Variants in OTOP1 observed in about 807,000 individuals in gnomAD.
The protein encoded by OTOP1 is otopetrin 1.
A neutral mutation model predicts 52.9 loss-of-function variants in OTOP1; 59 were observed. The observed-to-expected ratio is 1.12, with a 90% CI of 0.91 to 1.39. The LOEUF (loss-of-function observed/expected upper bound fraction) is 1.39. Ranked by LOEUF, OTOP1 falls within the 40% of genes most tolerant of loss-of-function variation. The pLI, the probability that OTOP1 is intolerant of heterozygous loss-of-function variation, is 0.00. For missense variants in OTOP1, 761 were observed against 800.9 expected (o/e 0.95, Z 0.60); for synonymous variants, 317 against 337.7 (o/e 0.94, Z 0.67).
At chr4:4,190,265 G>A (rs1716473689) in intron 5 of OTOP1, among the ~76,000 whole-genome samples, 1 of 152,166 alleles carries the variant, frequency 6.6e-6, no homozygotes, top group Admixed American at 6.5e-5. Context: ...CTGAGGTCAG[G>A]AGTTCAAGAC....
At chr4:4,222,735 G>C (rs1717329135) in intron 1 of OTOP1, among the ~76,000 whole-genome samples, 1 of 152,186 alleles carries the variant, frequency 6.6e-6, no homozygotes, top group African/African-American at 2.4e-5. Flanking sequence ...ATTGATCTAA[G>C]ATTGTCACGA....
At chr4:4,220,020 T>C (rs1458668565) in intron 1 of OTOP1, among the ~76,000 whole-genome samples, 84 of 115,620 alleles carry the variant, frequency 7.3e-4, no homozygotes, top group Admixed American at 2.1e-3. Context: ...TGTATATACA[T>C]GTATATACGT....
Position 4,205,984 on chromosome 4 carries a change from T to A in OTOP1, c.599+88A>T, listed in dbSNP as rs1577179687. On this transcript the variant is annotated intron_variant, in intron 3 of 5. Transcript: ENST00000296358. ...TGAGGGGAGAGTTGGTCTGTTTTTA[T>A]AACCAAAGCAAGATGGCAGTGATGA... The A allele has an allele frequency of 5.1e-6, 6 of 1,181,878 alleles. No homozygotes were observed. The East Asian group carries it at 1.4e-4, about 28-fold the overall frequency. 73.2% of individuals were successfully genotyped at this position (1,181,878 alleles called of 1,614,324 possible).
At chr4:4,203,702 A>G (rs1716838886) in intron 3 of OTOP1, among the ~76,000 whole-genome samples, 2 of 152,210 alleles carry the variant, frequency 1.3e-5, no homozygotes. Flanking sequence ...GGTACTTAGC[A>G]ATGTGCCTCA....
intron 1 of OTOP1, among the ~76,000 whole-genome samples, chr4:4,216,393 C>A (rs1360624250): frequency 6.6e-6 from 1 of 152,156 alleles, no homozygotes; most frequent in African/African-American, 2.4e-5. Context: ...CCTGGGCTAG[C>A]ATTGACCGCC....
intron 1 of OTOP1, among the ~76,000 whole-genome samples, chr4:4,219,930 T>C (rs1717248316): frequency 7.0e-6 from 1 of 142,770 alleles, no homozygotes; most frequent in African/African-American, 2.7e-5. Flanking sequence ...CGTATACATG[T>C]ATACATATAT....
At chr4:4,201,284 A>G (rs1019762978) in intron 4 of OTOP1, among the ~76,000 whole-genome samples, 5 of 152,038 alleles carry the variant, frequency 3.3e-5, no homozygotes, top group Non-Finnish European at 5.9e-5. Context: ...AAAATTAGCC[A>G]GGTGTGGTGG....
intron 1 of OTOP1, among the ~76,000 whole-genome samples, chr4:4,218,391 C>A (rs113105016): frequency 4.1e-3 from 531 of 130,352 alleles, no homozygotes; most frequent in Non-Finnish European, 4.3e-3. Context: ...GACTCCAACT[C>A]AAAAAAAAAA....
rs187404805 is a variant in OTOP1 at position 4,204,061 on chromosome 4, G to A, written c.600-1483C>T. 1.7e-3 allele frequency among the ~76,000 whole-genome samples: 253 copies of A among 152,282 alleles called. 1 individual carries two copies. Among genetic ancestry groups the A allele is most frequent in the Non-Finnish European group, 2.2e-3 (150 of 68,020 alleles). ...GAACCCTCGTCCATGATCTGCCCAC[G>A]GGGAAAATGGTGCAACCGCATCCTC... On this transcript the variant is annotated intron_variant, in intron 3 of 5. Coordinates refer to ENST00000296358, the MANE Select transcript of OTOP1 (RefSeq NM_177998.3).
chr4:4,196,843 T>C (rs929997985), intron 5 of OTOP1, among the ~76,000 whole-genome samples: 1 of 152,244 alleles, frequency 6.6e-6, no homozygotes, highest in Non-Finnish European at 1.5e-5. Context: ...GGCCTTATCC[T>C]AAGTGAATTA....
chr4:4,202,404 A>G (rs1716807388), intron 4 of OTOP1, 44 bp downstream of exon 4: 1 of 1,609,888 alleles, frequency 6.2e-7, no homozygotes, highest in South Asian at 1.1e-5. Context: ...TTTCCAAGAC[A>G]TTCCAACATG....
chr4:4,210,210 T>C (rs111399462), intron 2 of OTOP1, among the ~76,000 whole-genome samples: 1 of 152,188 alleles, frequency 6.6e-6, no homozygotes, highest in African/African-American at 2.4e-5. Flanking sequence ...AATGAATGAA[T>C]GAACGAACGC....
intron 1 of OTOP1, among the ~76,000 whole-genome samples, chr4:4,220,045 A>G (rs1463952531): frequency 2.0e-4 from 12 of 60,124 alleles, no homozygotes; most frequent in African/African-American, 6.4e-4. Context: ...ATGTATACAT[A>G]TATACATATA....
chr4:4,215,867 C>A (rs1717135878), intron 1 of OTOP1, among the ~76,000 whole-genome samples: 1 of 152,010 alleles, frequency 6.6e-6, no homozygotes, highest in Admixed American at 6.6e-5. Context: ...GATCTTGGCT[C>A]ACTGCAACTT....
chr4:4,197,330 T>C lies in OTOP1; in HGVS notation c.1504A>G (p.Asn502Asp). ...GKDMPPAANGNVCMRESHDKE... is the reference protein window; with the variant it reads ...GKDMPPAANGDVCMRESHDKE... ...TCATGGCTTTCTCTCATGCACACAT[T>C]TCCATTGGCTGCTGGTGGCATGTCC... is the stretch of plus-strand genomic sequence containing the variant. The change falls in exon 5 of 6, where the codon AAT (asparagine) becomes GAT (aspartate). Residue 502 changes from asparagine to aspartate, a missense_variant. By Grantham distance (23) the Asn-to-Asp change is conservative. Coordinates refer to ENST00000296358, the MANE Select transcript of OTOP1 (RefSeq NM_177998.3). The C allele has an allele frequency of 6.2e-7, 1 of 1,614,086 alleles. No individual in the cohort carries two copies. The highest frequency in any genetic ancestry group is 2.2e-5 in the East Asian group (1 of 44,870).
intron 1 of OTOP1, among the ~76,000 whole-genome samples, chr4:4,214,177 G>A (rs1177826349): frequency 6.6e-6 from 1 of 152,052 alleles, no homozygotes; most frequent in Non-Finnish European, 1.5e-5. Flanking sequence ...AAGACATAAA[G>A]ATGGCCAGCA....
rs374014211 is a variant in OTOP1 at position 4,197,725 on chromosome 4, C to T, written c.1109G>A (p.Arg370Gln). 1.4e-4 allele frequency: 226 copies of T among 1,613,714 alleles called. No individual in the cohort carries two copies. The highest frequency in any genetic ancestry group is 1.7e-4 in the Non-Finnish European group (197 of 1,179,970). ...LMGAAGLAGIRIYRIDEKSLD... is the reference protein window; with the variant it reads ...LMGAAGLAGIQIYRIDEKSLD... ...TGACTTCTCGTCTATCCTGTAAATC[C>T]GGATTCCAGCCAGCCCCGCAGCCCC... The change falls in exon 5 of 6, where the codon CGG becomes CAG. Residue 370 changes from arginine (R) to glutamine (Q), a missense_variant. Physicochemically the swap from Arg to Gln is conservative, Grantham distance 43 (BLOSUM62 1). Coordinates refer to ENST00000296358, the MANE Select transcript of OTOP1 (RefSeq NM_177998.3).
intron 4 of OTOP1, among the ~76,000 whole-genome samples, chr4:4,198,372 T>C (rs1189115609): frequency 6.6e-6 from 1 of 151,708 alleles, no homozygotes; most frequent in Non-Finnish European, 1.5e-5. Flanking sequence ...TTGTAAAAAA[T>C]AGATATGTAG....
chr4:4,222,994 G>T (rs1717334308), intron 1 of OTOP1, among the ~76,000 whole-genome samples: 7 of 152,182 alleles, frequency 4.6e-5, no homozygotes, highest in Admixed American at 4.6e-4. Context: ...GATGAGGAAA[G>T]CAGGACTCAG....
Sources: gnomAD v4.1 joint callset for allele counts (sites outside exome capture counted in the v4.1 genomes callset) on GRCh38, gnomAD v4.1.1 for gene constraint, MANE v1.5 for transcripts, NCBI Gene and HGNC (gene_info 2026-07-23, HGNC 2026-07-21) for gene names.